NEBL: variants seen among roughly 807,000 people sequenced by gnomAD.
NEBL encodes LIM and SH3 protein 2.
Under a neutral mutation model 140.2 loss-of-function variants are expected in NEBL, and 122 were observed. That is an observed-to-expected ratio of 0.87 (90% confidence interval 0.75 to 1.01). The LOEUF is 1.01. Among genes scored for constraint, NEBL ranks in the 50% least tolerant of loss-of-function variants. The pLI is 0.00. For synonymous variants in NEBL, 436 were observed against 398.9 expected, an observed-to-expected ratio of 1.09 and a Z score of -1.11; for missense variants, 1,365 against 1,231.3, an observed-to-expected ratio of 1.11 and a Z score of -1.62.
chr10:20,983,291 A>T (rs534954309), intron 3 of NEBL, among the ~76,000 whole-genome samples: 1 of 152,362 alleles, frequency 6.6e-6, no homozygotes, highest in African/African-American at 2.4e-5. Context: ...TTATCTTGAG[A>T]CCATTTATAA....
At position 21,166,963 on chromosome 10, in the gene NEBL, T is replaced by C. The variant is rs140434508; in HGVS notation, c.164+5420A>G. Among the ~76,000 whole-genome samples the C allele has an allele frequency of 6.9e-3, 1,049 of 152,316 alleles. 17 individuals carry two copies. The highest frequency in any genetic ancestry group is 0.024 in the African/African-American group (990 of 41,552). On this transcript the variant is annotated intron_variant, in intron 2 of 6. Coordinates refer to the NEBL transcript ENST00000417816. ...CTCAGGTTTCAATTTAATTTCCTTC[T>C]GTGTCCTCTGATTACCCTTAGGAAA...
At chr10:21,142,834 T>A (rs56853312) in intron 2 of NEBL, among the ~76,000 whole-genome samples, 81 of 152,254 alleles carry the variant, frequency 5.3e-4, no homozygotes, top group African/African-American at 1.9e-3. Context: ...CCTGAAGATC[T>A]GAGGTGGGAC....
At chr10:21,158,639 C>T (rs1840430722) in intron 2 of NEBL, among the ~76,000 whole-genome samples, 1 of 152,192 alleles carries the variant, frequency 6.6e-6, no homozygotes, top group East Asian at 1.9e-4. Context: ...TCCAGGACCA[C>T]ATCTACAGGG....
chr10:20,821,993 C>T (rs1839365904), intron 19 of NEBL, among the ~76,000 whole-genome samples: 1 of 152,208 alleles, frequency 6.6e-6, no homozygotes, highest in Non-Finnish European at 1.5e-5. Flanking sequence ...TTCCCCAAGG[C>T]TCTTTGTCTC....
intron 3 of NEBL, among the ~76,000 whole-genome samples, chr10:21,188,444 G>A (rs983678184): frequency 2.0e-5 from 3 of 152,030 alleles, no homozygotes; most frequent in Non-Finnish European, 4.4e-5. Context: ...GTCACAGTTT[G>A]GGAATTTATA....
chr10:21,275,988 A>T (rs1400583122), intron 1 of NEBL, among the ~76,000 whole-genome samples: 9 of 123,702 alleles, frequency 7.3e-5, no homozygotes, highest in East Asian at 2.3e-4. Flanking sequence ...TTTTTTTTTT[A>T]AAGACAGAGC....
At chr10:21,095,188 C>T (rs950421050) in intron 2 of NEBL, among the ~76,000 whole-genome samples, 1 of 152,176 alleles carries the variant, frequency 6.6e-6, no homozygotes, top group Non-Finnish European at 1.5e-5. Context: ...TTCATAAGTC[C>T]ACTAAGATTT....
intron 2 of NEBL, among the ~76,000 whole-genome samples, chr10:21,076,137 C>CA (rs750256976): frequency 6.6e-6 from 1 of 151,944 alleles, no homozygotes; most frequent in Admixed American, 6.6e-5. Context: ...AGCAATTCCT[C>CA]AAAAAATTAA....
chr10:21,169,237 T>G (rs1030109950), intron 2 of NEBL, among the ~76,000 whole-genome samples: 2 of 151,036 alleles, frequency 1.3e-5, no homozygotes, highest in East Asian at 3.9e-4. Flanking sequence ...GTATGAAAAT[T>G]TTCACAATAA....
chr10:21,111,409 C>T (rs1201153375), intron 2 of NEBL, among the ~76,000 whole-genome samples: 4 of 152,090 alleles, frequency 2.6e-5, no homozygotes, highest in Non-Finnish European at 5.9e-5. Flanking sequence ...ACCAATGGAA[C>T]AGAACAGAGG....
chr10:21,255,820 A>C (rs1388988438), intron 1 of NEBL, among the ~76,000 whole-genome samples: 1 of 151,860 alleles, frequency 6.6e-6, no homozygotes, highest in Non-Finnish European at 1.5e-5. Context: ...ACATGGTGAA[A>C]CCCCATCTCT....
At chr10:21,000,562 GC>G (rs1837853371) in intron 3 of NEBL, among the ~76,000 whole-genome samples, 1 of 152,102 alleles carries the variant, frequency 6.6e-6, no homozygotes, top group Admixed American at 6.6e-5. Flanking sequence ...CAGGAGACCA[GC>G]CTTTGCAAAG....
intron 3 of NEBL, among the ~76,000 whole-genome samples, chr10:20,976,471 T>C (rs964666147): frequency 3.3e-5 from 5 of 152,066 alleles, no homozygotes; most frequent in African/African-American, 1.2e-4. Flanking sequence ...ACTGCACTTG[T>C]ACATTTATCA....
At chr10:20,830,190 A>T (rs904854881) in intron 16 of NEBL, among the ~76,000 whole-genome samples, 1 of 152,238 alleles carries the variant, frequency 6.6e-6, no homozygotes, top group African/African-American at 2.4e-5. Context: ...GAACTAGTGG[A>T]TGGTTAATGT....
rs12251534 is a variant in NEBL at position 20,934,923 on chromosome 10, C to T, written c.357+26749G>A. Among the ~76,000 whole-genome samples the T allele has an allele frequency of 3.3e-5, 5 of 152,024 alleles. No homozygotes were observed. In the East Asian group the frequency reaches 5.8e-4, roughly 18 times the overall value. On this transcript the variant is annotated intron_variant, in intron 4 of 6. Coordinates refer to the NEBL transcript ENST00000417816. ...GGAAGAGAGATCTAGGACAGTATCA[C>T]GATAGGTCAAGAGTTGTGATTGGAA...
At chr10:20,954,792 C>T (rs1177416901) in intron 4 of NEBL, among the ~76,000 whole-genome samples, 1 of 152,102 alleles carries the variant, frequency 6.6e-6, no homozygotes, top group Non-Finnish European at 1.5e-5. Flanking sequence ...TGGAGTTTTT[C>T]CGGGGACCCC....
intron 2 of NEBL, among the ~76,000 whole-genome samples, chr10:21,112,419 T>C (rs1431706832): frequency 6.6e-6 from 1 of 151,368 alleles, no homozygotes; most frequent in Non-Finnish European, 1.5e-5. Flanking sequence ...CATAAAAAAG[T>C]TGAGTTCATG....
chr10:21,289,708 TTGAA>T (rs1483277819), intron 1 of NEBL, among the ~76,000 whole-genome samples: 1 of 152,202 alleles, frequency 6.6e-6, no homozygotes, highest in Admixed American at 6.5e-5. Flanking sequence ...TTGGGCCCCT[TTGAA>T]TGATGATACA....
chr10:20,806,242 G>A (rs193085457), intron 26 of NEBL, among the ~76,000 whole-genome samples: 7 of 152,270 alleles, frequency 4.6e-5, no homozygotes, highest in African/African-American at 1.7e-4. Flanking sequence ...AGAGGGAGTA[G>A]AGGCATCCAA....
Sources: allele counts gnomAD v4.1 joint callset (sites outside exome capture counted in the v4.1 genomes callset), GRCh38; gene constraint gnomAD v4.1.1; transcripts MANE v1.5; gene names NCBI Gene and HGNC (gene_info 2026-07-23, HGNC 2026-07-21).